LRRC37A2: variants seen among roughly 807,000 people sequenced by gnomAD.
LRRC37A2 encodes leucine rich repeat containing 37 member A2.
LRRC37A2 carries 9 observed loss-of-function variants against 68.8 expected under a neutral mutation model. The observed-to-expected ratio is 0.13, with a 90% CI of 0.08 to 0.23. The LOEUF (loss-of-function observed/expected upper bound fraction) is 0.23, where lower values mean the gene tolerates loss of function less well. Ranked by LOEUF, LRRC37A2 falls within the 10% of genes least tolerant of loss-of-function variation. The pLI is 1.00. For missense variants in LRRC37A2, 168 were observed against 950.4 expected, an observed-to-expected ratio of 0.18 and a Z score of 10.82; for synonymous variants, 63 against 367.6, an observed-to-expected ratio of 0.17 and a Z score of 9.48.
chr17:46,981,165 G>T, the LRRC37A2 span, among the ~76,000 whole-genome samples: 1 of 152,204 alleles, frequency 6.6e-6, no homozygotes, highest in Admixed American at 6.5e-5. Flanking sequence ...GGAGACAAGG[G>T]GATGGAAAGG....
At chr17:46,550,869 A>T (rs2056719262) in intron 11 of LRRC37A2, among the ~76,000 whole-genome samples, 1 of 145,130 alleles carries the variant, frequency 6.9e-6, no homozygotes, top group Non-Finnish European at 1.5e-5. Context: ...TGAAATGATG[A>T]GAGAGGTATA....
chr17:47,039,003 T>G, the LRRC37A2 span, among the ~76,000 whole-genome samples: 4 of 149,416 alleles, frequency 2.7e-5, no homozygotes, highest in East Asian at 6.0e-4. Context: ...CAGTGCTTTT[T>G]ATTTCTTTGT....
At chr17:46,771,893 T>TGCCCCCGCCCCC in the LRRC37A2 span, among the ~76,000 whole-genome samples, 9 of 103,398 alleles carry the variant, frequency 8.7e-5, no homozygotes, top group South Asian at 3.3e-4. Flanking sequence ...CCCCCGCCCC[T>TGCCCCCGCCCCC]GCCCCCGCCC....
In LRRC37A2 at chr17:46,529,525, A is replaced by G. The variant is rs2053343868; in HGVS notation, c.2906+5641A>G. 1.9e-5 allele frequency among the ~76,000 whole-genome samples: 2 copies of G among 105,336 alleles called. 1 individual carries two copies. The highest frequency in any genetic ancestry group is 4.4e-5 in the Non-Finnish European group (2 of 45,576). The allele number at this position is 105,336 out of a possible 152,430, so 69.1% of individuals were successfully genotyped here. On this transcript the variant is annotated intron_variant, in intron 6 of 14. Coordinates refer to ENST00000576629, the Ensembl canonical transcript of LRRC37A2. ...TCTACTGTGAATCTAAAAACACTCA[A>G]GGCTGGGCGCGCTGGCTCATGCCTG...
the LRRC37A2 span, among the ~76,000 whole-genome samples, chr17:46,900,703 G>C: frequency 6.6e-6 from 1 of 152,224 alleles, no homozygotes; most frequent in Non-Finnish European, 1.5e-5. Flanking sequence ...TACAAGGTAG[G>C]GTGGGGAGAC....
the LRRC37A2 span, among the ~76,000 whole-genome samples, chr17:46,864,763 C>A: frequency 5.3e-5 from 8 of 152,182 alleles, no homozygotes; most frequent in Non-Finnish European, 1.0e-4. Context: ...ACAGACCCAG[C>A]CCTGCTACCA....
chr17:46,922,955 C>T, the LRRC37A2 span: 1 of 592,078 alleles, frequency 1.7e-6, no homozygotes, highest in Non-Finnish European at 3.0e-6. Context: ...ACATGTACAC[C>T]GCCTTGCCCT....
chr17:46,920,453 G>T, the LRRC37A2 span, among the ~76,000 whole-genome samples: 1 of 152,174 alleles, frequency 6.6e-6, no homozygotes, highest in Non-Finnish European at 1.5e-5. Flanking sequence ...TTTAGGAAAA[G>T]AATGTACATG....
At chr17:46,900,884 G>A in the LRRC37A2 span, among the ~76,000 whole-genome samples, 1 of 152,178 alleles carries the variant, frequency 6.6e-6, no homozygotes, top group Admixed American at 6.5e-5. Flanking sequence ...ACAAAGTGGG[G>A]ATCAAGACAG....
chr17:46,846,159 G>A, the LRRC37A2 span, among the ~76,000 whole-genome samples: 1 of 152,152 alleles, frequency 6.6e-6, no homozygotes. Flanking sequence ...AGACAGAACT[G>A]GACTGCTCAA....
At chr17:46,941,223 A>G in the LRRC37A2 span, 1 of 996,116 alleles carries the variant, frequency 1.0e-6, no homozygotes, top group African/African-American at 1.7e-5. Flanking sequence ...AGGAGTCTTG[A>G]TTTTTTAGAC....
At chr17:46,962,170 A>G in the LRRC37A2 span, among the ~76,000 whole-genome samples, 1 of 152,108 alleles carries the variant, frequency 6.6e-6, no homozygotes, top group Non-Finnish European at 1.5e-5. Flanking sequence ...TACTAAAAAT[A>G]CATAAAAAAT....
At chr17:46,950,623 G>A in the LRRC37A2 span, among the ~76,000 whole-genome samples, 64 of 152,276 alleles carry the variant, frequency 4.2e-4, no homozygotes, top group Non-Finnish European at 6.5e-4. Context: ...TGAACTTAGC[G>A]GGGGAGATGA....
the LRRC37A2 span, among the ~76,000 whole-genome samples, chr17:46,609,247 A>G: frequency 6.7e-6 from 1 of 148,392 alleles, no homozygotes; most frequent in East Asian, 2.0e-4. Flanking sequence ...CAATGTATGC[A>G]TTTTTGTGTA....
chr17:47,038,330 T>C, the LRRC37A2 span, among the ~76,000 whole-genome samples: 2 of 151,550 alleles, frequency 1.3e-5, no homozygotes, highest in Non-Finnish European at 2.9e-5. Context: ...AACAAAATGT[T>C]TGTGGCCAGA....
At chr17:46,840,225 T>C in the LRRC37A2 span, among the ~76,000 whole-genome samples, 1 of 151,996 alleles carries the variant, frequency 6.6e-6, no homozygotes. Context: ...TAGCTGGTAC[T>C]ACAGGTGCCC....
At chr17:46,740,659 T>C in the LRRC37A2 span, among the ~76,000 whole-genome samples, 1 of 151,648 alleles carries the variant, frequency 6.6e-6, no homozygotes, top group African/African-American at 2.4e-5. Context: ...ACTTTATCTT[T>C]TTCTTTTTTT....
chr17:46,505,893 TC>T, the LRRC37A2 span, among the ~76,000 whole-genome samples: 1 of 96,328 alleles, frequency 1.0e-5, no homozygotes, highest in African/African-American at 5.1e-5. Flanking sequence ...AACCTCCACC[TC>T]CCAGGTTCAA....
chr17:47,019,494 G>T, the LRRC37A2 span: 2 of 1,572,470 alleles, frequency 1.3e-6, no homozygotes, highest in East Asian at 4.5e-5. Flanking sequence ...ACATTCTACA[G>T]CCCTGGAGAA....
Sources: gnomAD v4.1 joint callset for allele counts (sites outside exome capture counted in the v4.1 genomes callset) on GRCh38, gnomAD v4.1.1 for gene constraint, MANE v1.5 for transcripts, NCBI Gene and HGNC (gene_info 2026-07-23, HGNC 2026-07-21) for gene names.